PDLIM1: variants seen among roughly 807,000 people sequenced by gnomAD.
PDLIM1 encodes PDZ and LIM domain protein 1.
In PDLIM1, 25 loss-of-function variants were observed where a neutral mutation model predicts 35.2. The ratio of observed to expected loss-of-function variants is 0.71; its 90% CI spans 0.52 to 0.99. The LOEUF (loss-of-function observed/expected upper bound fraction) is 0.99. Ranked by LOEUF, PDLIM1 falls within the 50% of genes least tolerant of loss-of-function variation. The probability of loss-of-function intolerance (pLI) is 0.00; values close to 1 mark genes in which losing one functional copy is unlikely to be tolerated. For missense variants in PDLIM1, 363 were observed against 415.3 expected, an observed-to-expected ratio of 0.87 and a Z score of 1.09; for synonymous variants, 152 against 154.0, an observed-to-expected ratio of 0.99 and a Z score of 0.10.
intron 4 of PDLIM1, among the ~76,000 whole-genome samples, chr10:95,258,492 ACT>A (rs2035335412): frequency 1.3e-5 from 2 of 151,972 alleles, no homozygotes; most frequent in South Asian, 2.1e-4. Context: ...ACAGAGCGAG[ACT>A]CTGTCTCAAA....
chr10:95,247,447 A>C, intron 4 of PDLIM1, 81 bp from the exon 5 acceptor site: 1 of 1,145,074 alleles, frequency 8.7e-7, no homozygotes, highest in African/African-American at 1.5e-5. Context: ...CCAGGCAGAC[A>C]CTGCTGATTT....
intron 5 of PDLIM1, among the ~76,000 whole-genome samples, chr10:95,243,025 A>G (rs1394546954): frequency 6.6e-6 from 1 of 152,250 alleles, no homozygotes; most frequent in Non-Finnish European, 1.5e-5. Context: ...AATCACCAGG[A>G]AAGAAGAGAG....
intron 4 of PDLIM1, among the ~76,000 whole-genome samples, chr10:95,262,348 C>G (rs1161213305): frequency 6.6e-6 from 1 of 152,144 alleles, no homozygotes; most frequent in African/African-American, 2.4e-5. Flanking sequence ...AGAGGCAATA[C>G]AAAAATTGAT....
chr10:95,268,231 T>A (rs750426148), intron 3 of PDLIM1, among the ~76,000 whole-genome samples: 10 of 152,176 alleles, frequency 6.6e-5, no homozygotes, highest in Admixed American at 5.2e-4. Flanking sequence ...TGCTTTTTTT[T>A]ATATTAATTG....
Position 95,238,075 on chromosome 10 carries a change from G to A in PDLIM1, c.840C>T (p.His280=), listed in dbSNP as rs1312747190. The A allele has an allele frequency of 2.5e-6, 4 of 1,613,958 alleles. No individual in the cohort carries two copies. The highest frequency in any genetic ancestry group is 3.4e-6 in the Non-Finnish European group (4 of 1,180,016). The change falls in exon 7 of 7, where the codon CAC becomes CAT. Residue 280 remains histidine, a synonymous_variant. Transcript: ENST00000329399. ...AGTCAGTGCACACATAACACTCAGG[G>A]TGGCGGTGACGGTCCCGCAGCTTCA... ...VFVKLRDRHR[H]PECYVCTDCG... is the part of the protein sequence containing the mutation.
intron 1 of PDLIM1, among the ~76,000 whole-genome samples, chr10:95,272,402 G>T (rs2035472573): frequency 6.6e-6 from 1 of 152,096 alleles, no homozygotes; most frequent in Admixed American, 6.5e-5. Context: ...TGTTGACCAG[G>T]CATGGTGGCT....
chr10:95,278,829 C>T (rs544445990), intron 1 of PDLIM1, among the ~76,000 whole-genome samples: 9 of 152,314 alleles, frequency 5.9e-5, no homozygotes, highest in East Asian at 1.9e-4. Flanking sequence ...CTCTAACCGA[C>T]GCTCAAAGAA....
chr10:95,277,110 G>A (rs1023678822), intron 1 of PDLIM1, among the ~76,000 whole-genome samples: 1 of 151,968 alleles, frequency 6.6e-6, no homozygotes, highest in African/African-American at 2.4e-5. Context: ...AGCTACTCAG[G>A]AGGCTGAGGT....
intron 3 of PDLIM1, among the ~76,000 whole-genome samples, chr10:95,266,086 T>C (rs2035414597): frequency 6.6e-6 from 1 of 151,288 alleles, no homozygotes; most frequent in Non-Finnish European, 1.5e-5. Context: ...TAATCCCAGC[T>C]ACTCAGAGGC....
chr10:95,273,760 A>G (rs976780162), intron 1 of PDLIM1, among the ~76,000 whole-genome samples: 1 of 152,176 alleles, frequency 6.6e-6, no homozygotes, highest in Non-Finnish European at 1.5e-5. Flanking sequence ...CTCTCATTTC[A>G]GTCAACAATG....
At chr10:95,250,702 G>C (rs537481310) in intron 4 of PDLIM1, among the ~76,000 whole-genome samples, 1 of 152,180 alleles carries the variant, frequency 6.6e-6, no homozygotes, top group Admixed American at 6.5e-5. Flanking sequence ...TTTTGACGGC[G>C]TAACAGTGAA....
intron 1 of PDLIM1, among the ~76,000 whole-genome samples, chr10:95,277,825 T>G (rs2035526152): frequency 6.6e-6 from 1 of 152,172 alleles, no homozygotes; most frequent in African/African-American, 2.4e-5. Flanking sequence ...TCATAATGCA[T>G]CTTTAAGACC....
Position 95,268,761 on chromosome 10 carries a change from G to C in PDLIM1, c.333+17C>G. On this transcript the variant is annotated intron_variant, in intron 3 of 6. Coordinates refer to ENST00000329399, the MANE Select transcript of PDLIM1 (RefSeq NM_020992.4). ...GCTGGGTGGTGAGAGCAGCGGCAAC[G>C]ATGAGCAAGAACTTACCTGGGGTTC... 1 of 1,548,714 alleles carries C rather than the reference G, an allele frequency of 6.5e-7. No individual in the cohort carries two copies. Among genetic ancestry groups the C allele is most frequent in the Middle Eastern group, 1.7e-4 (1 of 5,926 alleles).
chr10:95,277,980 T>C (rs950581282), intron 1 of PDLIM1, among the ~76,000 whole-genome samples: 2 of 152,236 alleles, frequency 1.3e-5, no homozygotes, highest in African/African-American at 4.8e-5. Context: ...TAAATGACAC[T>C]ACTATCATAC....
chr10:95,266,230 A>G (rs2035416037), intron 3 of PDLIM1, among the ~76,000 whole-genome samples: 1 of 151,922 alleles, frequency 6.6e-6, no homozygotes, highest in African/African-American at 2.4e-5. Flanking sequence ...AACAAAAAAT[A>G]AAAAACAACA....
intron 1 of PDLIM1, among the ~76,000 whole-genome samples, chr10:95,278,689 T>C (rs1264465027): frequency 6.6e-6 from 1 of 151,490 alleles, no homozygotes; most frequent in Admixed American, 6.6e-5. Flanking sequence ...GCTGTAGATG[T>C]AAACACAGAC....
At chr10:95,264,166 G>A (rs1328395672) in intron 3 of PDLIM1, 103 bp from the exon 4 acceptor site, 2 of 938,884 alleles carry the variant, frequency 2.1e-6, no homozygotes, top group Non-Finnish European at 3.3e-6. Flanking sequence ...CAGCTGCTAA[G>A]ATGGCCCTAG....
At position 95,247,252 on chromosome 10, in the gene PDLIM1, G is replaced by A. The variant is rs772832722; in HGVS notation, c.648C>T (p.Phe216=). Residue 216 remains phenylalanine (F), a synonymous_variant, in exon 5 of 7, where the codon TTC becomes TTT. Coordinates refer to ENST00000329399, the MANE Select transcript of PDLIM1 (RefSeq NM_020992.4). ...LNEPPKQSTS[F]LVLQEILESE... is the part of the protein sequence containing the mutation. ...ACTCCAGGATTTCCTGCAAAACCAA[G>A]AAAGACGTGGACTGTTTCGGGGGCT... 11 of 1,613,770 alleles carry A rather than the reference G, an allele frequency of 6.8e-6. No individual in the cohort carries two copies. The Admixed American group carries it at 1.8e-4, about 27-fold the overall frequency.
chr10:95,239,340 T>A (rs2035155129), intron 5 of PDLIM1, among the ~76,000 whole-genome samples: 1 of 152,016 alleles, frequency 6.6e-6, no homozygotes, highest in Non-Finnish European at 1.5e-5. Context: ...AAAGCAAAAA[T>A]TGACAAATGG....
Sources: gnomAD v4.1 joint callset for allele counts (sites outside exome capture counted in the v4.1 genomes callset) on GRCh38, gnomAD v4.1.1 for gene constraint, MANE v1.5 for transcripts, NCBI Gene and HGNC (gene_info 2026-07-23, HGNC 2026-07-21) for gene names.